The following FAM76B variants were observed in gnomAD, a reference collection of about 807,000 sequenced individuals.
FAM76B encodes the protein protein FAM76B.
In FAM76B, 16 loss-of-function variants were observed where a neutral mutation model predicts 51.8. The ratio of observed to expected loss-of-function variants is 0.31; its 90% confidence interval spans 0.21 to 0.47. The LOEUF is 0.47. Among genes scored for constraint, FAM76B ranks in the 20% least tolerant of loss-of-function variants. FAM76B has a pLI of 1.00. For synonymous variants in FAM76B, 166 were observed against 129.5 expected, an observed-to-expected ratio of 1.28 and a Z score of -1.91; for missense variants, 342 against 392.6, an observed-to-expected ratio of 0.87 and a Z score of 1.09.
chr11:95,780,929 A>T (rs892750760), intron 5 of FAM76B, among the ~76,000 whole-genome samples: 1 of 152,060 alleles, frequency 6.6e-6, no homozygotes, highest in Non-Finnish European at 1.5e-5. Flanking sequence ...CAGCTGTAGA[A>T]GTTTTTTAAG....
chr11:95,784,115 G>C (rs898389664), intron 4 of FAM76B, among the ~76,000 whole-genome samples: 11 of 152,150 alleles, frequency 7.2e-5, no homozygotes, highest in Non-Finnish European at 5.9e-5. Context: ...CTATAGACAA[G>C]AACAAGATCA....
chr11:95,787,472 C>A, intron 3 of FAM76B, 152 bp downstream of exon 3: 1 of 611,694 alleles, frequency 1.6e-6, no homozygotes, highest in Non-Finnish European at 2.8e-6. Flanking sequence ...CATCTCCTGA[C>A]CTTGTGATCC....
At chr11:95,787,239 G>GT (rs796218055) in intron 3 of FAM76B, among the ~76,000 whole-genome samples, 224 of 148,090 alleles carry the variant, frequency 1.5e-3, no homozygotes, top group South Asian at 1.5e-3. Context: ...CATAGCAGTA[G>GT]TTTTTTTTTT....
chr11:95,786,323 G>T, intron 3 of FAM76B, 49 bp from the exon 4 acceptor site: 2 of 1,601,116 alleles, frequency 1.2e-6, no homozygotes, highest in East Asian at 2.2e-5. Context: ...AAATATTTGC[G>T]GCATAGCATA....
At chr11:95,788,908 A>C in intron 1 of FAM76B, 1 of 1,354,686 alleles carries the variant, frequency 7.4e-7, no homozygotes, top group Non-Finnish European at 9.7e-7. Context: ...AGGAGCTCCA[A>C]ATCAGAGCAT....
At position 95,781,877 on chromosome 11, in the gene FAM76B, CTAATAGG is replaced by C. The variant is rs1475962513; in HGVS notation, c.563+1181_563+1187del. On this transcript the variant is annotated intron_variant, in intron 5 of 9. Coordinates refer to ENST00000358780, the MANE Select transcript of FAM76B (RefSeq NM_144664.5). ...ACTAACCTCAACGTAACCTCATAAT[CTAATAGG>C]TGATTGGATACAGTTTACAACAAAT... Among the ~76,000 whole-genome samples, 12 of 152,232 alleles carry C rather than the reference CTAATAGG, an allele frequency of 7.9e-5. No individual in the cohort carries two copies. The South Asian group carries it at 1.2e-3, about 16-fold the overall frequency.
rs1357454193 is a variant in FAM76B at position 95,771,415 on chromosome 11, T to C, written c.*146A>G. ...ATGTTTTACAACTTAAAAAATGCTG[T>C]ATATCAATTACAAAAGTGAACAGGA... On this transcript the variant is annotated 3_prime_UTR_variant, in exon 10 of 10. Transcript: ENST00000358780. 5.5e-6 allele frequency: 3 copies of C among 548,324 alleles called. No homozygotes were observed. The highest frequency in any genetic ancestry group is 9.8e-6 in the Non-Finnish European group (3 of 306,050). The allele number at this position is 548,324 out of a possible 1,614,324, so 34.0% of individuals were successfully genotyped here. A position where few individuals can be genotyped will look rare whatever the true frequency, so the allele number is the denominator to read the frequency against.
At chr11:95,788,724 C>T in intron 1 of FAM76B, 161 bp from the exon 2 acceptor site, 1 of 1,258,702 alleles carries the variant, frequency 7.9e-7, no homozygotes, top group Non-Finnish European at 1.1e-6. Flanking sequence ...TGGCCAATCA[C>T]AATATAATTC....
chr11:95,789,249 G>A, intron 1 of FAM76B, 143 bp downstream of exon 1: 2 of 999,618 alleles, frequency 2.0e-6, no homozygotes, highest in East Asian at 2.6e-5. Context: ...CAGAAAAAGG[G>A]GTCCCCGAGT....
intron 2 of FAM76B, among the ~76,000 whole-genome samples, 171 bp from the exon 3 acceptor site, chr11:95,787,849 T>C (rs1029997043): frequency 2.0e-5 from 3 of 152,252 alleles, no homozygotes; most frequent in Non-Finnish European, 4.4e-5. Flanking sequence ...CAAATTAACT[T>C]ATGACAAATG....
At chr11:95,786,659 A>G (rs925437044) in intron 3 of FAM76B, 6 of 158,826 alleles carry the variant, frequency 3.8e-5, no homozygotes, top group Admixed American at 1.3e-4. Flanking sequence ...CTTAATGACC[A>G]TATCATTTAT....
In FAM76B at chr11:95,771,303, C is replaced by T. The variant is rs1394607218; in HGVS notation, c.*258G>A. ...AGAGCACTACTCATGCACTCCTTTA[C>T]AACTGTTTAATACTATTGCTGGCAA... On this transcript the variant is annotated 3_prime_UTR_variant, in exon 10 of 10. Transcript: ENST00000358780. 3.0e-6 allele frequency: 1 copy of T among 330,864 alleles called. No homozygotes were observed. The highest frequency in any genetic ancestry group is 5.8e-6 in the Non-Finnish European group (1 of 173,392). 20.5% of individuals were successfully genotyped at this position (330,864 alleles called of 1,614,324 possible).
intron 8 of FAM76B, among the ~76,000 whole-genome samples, chr11:95,777,407 G>A (rs911858857): frequency 2.0e-5 from 3 of 151,216 alleles, no homozygotes; most frequent in Admixed American, 6.6e-5. Flanking sequence ...TGCTAGAGAG[G>A]AAAGAAAAAT....
intron 5 of FAM76B, among the ~76,000 whole-genome samples, chr11:95,780,963 G>C (rs1860235978): frequency 6.6e-6 from 1 of 151,610 alleles, no homozygotes; most frequent in South Asian, 2.1e-4. Flanking sequence ...CAAACCTTAA[G>C]ACTCAGCTGT....
At chr11:95,784,408 TAAAC>T (rs1860438566) in intron 4 of FAM76B, among the ~76,000 whole-genome samples, 1 of 151,904 alleles carries the variant, frequency 6.6e-6, no homozygotes, top group Non-Finnish European at 1.5e-5. Flanking sequence ...ACCTATATAA[TAAAC>T]GTGCACATGT....
intron 3 of FAM76B, among the ~76,000 whole-genome samples, chr11:95,787,371 C>CT (rs1860658558): frequency 6.6e-6 from 1 of 151,980 alleles, no homozygotes; most frequent in African/African-American, 2.4e-5. Context: ...GTAGCTGGGA[C>CT]TACAGGCGCC....
chr11:95,769,225 C>A lies in FAM76B; in HGVS notation c.*2336G>T, dbSNP rs1463262010. ...AGGCTAAAAGCACAATACACCACAC[C>A]ATAGTATCTCCTTACAGGTCCACAT... is the stretch of plus-strand genomic sequence containing the variant. On this transcript the variant is annotated 3_prime_UTR_variant, in exon 10 of 10. Coordinates refer to ENST00000358780, the MANE Select transcript of FAM76B (RefSeq NM_144664.5). 1 of 152,258 alleles carries A rather than the reference C, an allele frequency of 6.6e-6. No individual in the cohort carries two copies. Among genetic ancestry groups the A allele is most frequent in the Non-Finnish European group, 1.5e-5 (1 of 67,838 alleles). The allele number at this position is 152,258 out of a possible 1,614,324, so 9.4% of individuals were successfully genotyped here.
At chr11:95,772,346 T>C (rs1859804515) in intron 9 of FAM76B, among the ~76,000 whole-genome samples, 1 of 151,188 alleles carries the variant, frequency 6.6e-6, no homozygotes, top group Non-Finnish European at 1.5e-5. Flanking sequence ...AAAATTTCAT[T>C]TCATCATCTG....
chr11:95,789,291 C>A, intron 1 of FAM76B, 101 bp downstream of exon 1: 1 of 1,343,438 alleles, frequency 7.4e-7, no homozygotes, highest in Non-Finnish European at 1.0e-6. Context: ...TCCCAAACCC[C>A]TGAGGCGCCG....
Sources: gnomAD v4.1 joint callset for allele counts (sites outside exome capture counted in the v4.1 genomes callset) on GRCh38, gnomAD v4.1.1 for gene constraint, MANE v1.5 for transcripts, NCBI Gene and HGNC (gene_info 2026-07-23, HGNC 2026-07-21) for gene names.